Variants in PPM1H observed in about 807,000 individuals in gnomAD.
The protein encoded by PPM1H is protein phosphatase 1H.
In PPM1H, 27 loss-of-function variants were observed where a neutral mutation model predicts 54.9. That is an observed-to-expected ratio of 0.49 (90% CI 0.36 to 0.68). The LOEUF is 0.68. PPM1H is among the 30% of genes least tolerant of loss of function. The pLI is 0.00. For synonymous variants in PPM1H, 305 were observed against 270.8 expected (o/e 1.13, Z -1.24); for missense variants, 596 against 667.8 (o/e 0.89, Z 1.19).
chr12:62,876,599 C>A (rs1754374319), intron 1 of PPM1H, among the ~76,000 whole-genome samples: 1 of 152,138 alleles, frequency 6.6e-6, no homozygotes, highest in South Asian at 2.1e-4. Context: ...AAATTATATG[C>A]AGTCAGATGG....
intron 1 of PPM1H, among the ~76,000 whole-genome samples, chr12:62,876,102 T>A (rs1336647772): frequency 6.6e-6 from 1 of 152,200 alleles, no homozygotes; most frequent in Non-Finnish European, 1.5e-5. Context: ...AAGCCCAGGG[T>A]GGTAGTGAAC....
At chr12:62,728,658 G>C (rs1303584647) in intron 5 of PPM1H, among the ~76,000 whole-genome samples, 1 of 152,134 alleles carries the variant, frequency 6.6e-6, no homozygotes, top group Non-Finnish European at 1.5e-5. Flanking sequence ...TGCACCCAAG[G>C]CTGTCTCACT....
At chr12:62,720,099 G>A (rs2076255239) in intron 6 of PPM1H, 72 bp downstream of exon 6, 1 of 1,295,580 alleles carries the variant, frequency 7.7e-7, no homozygotes, top group Non-Finnish European at 1.1e-6. Flanking sequence ...CTGTGTAACT[G>A]GCTGTTTATG....
rs983823492 is a variant in PPM1H at position 62,645,702 on chromosome 12, C to A, written c.*2787G>T. 6.6e-6 allele frequency: 1 copy of A among 152,182 alleles called. No homozygotes were observed. Among genetic ancestry groups the A allele is most frequent in the African/African-American group, 2.4e-5 (1 of 41,426 alleles). 9.4% of individuals were successfully genotyped at this position (152,182 alleles called of 1,614,324 possible). A position where few individuals can be genotyped will look rare whatever the true frequency, so the allele number is the denominator to read the frequency against. On this transcript the variant is annotated 3_prime_UTR_variant, in exon 10 of 10. Transcript: ENST00000228705. ...GCAGGAAAGCCTTTCATTAAAGTAG[C>A]CACACACCCCTCGAGACAACCATAA... is the stretch of plus-strand genomic sequence containing the variant.
chr12:62,799,345 G>T (rs890226155), intron 3 of PPM1H, among the ~76,000 whole-genome samples: 1 of 152,194 alleles, frequency 6.6e-6, no homozygotes, highest in African/African-American at 2.4e-5. Context: ...TGAGAATGCA[G>T]CAGCTCCAGG....
chr12:62,743,873 T>TA (rs897621844), intron 4 of PPM1H, among the ~76,000 whole-genome samples: 2 of 152,190 alleles, frequency 1.3e-5, no homozygotes, highest in South Asian at 2.1e-4. Context: ...TGGGAAACAT[T>TA]AAAAAAACAA....
chr12:62,748,935 A>C (rs2076427027), intron 4 of PPM1H, among the ~76,000 whole-genome samples: 1 of 152,236 alleles, frequency 6.6e-6, no homozygotes, highest in African/African-American at 2.4e-5. Context: ...TTTCAAGGTT[A>C]GAGTGAAATG....
At chr12:62,931,895 T>A (rs1165280561) in intron 1 of PPM1H, among the ~76,000 whole-genome samples, 1 of 152,174 alleles carries the variant, frequency 6.6e-6, no homozygotes, top group Non-Finnish European at 1.5e-5. Flanking sequence ...ATACTGTTAA[T>A]GACATAGTGT....
At chr12:62,765,921 G>A (rs549797370) in intron 4 of PPM1H, among the ~76,000 whole-genome samples, 10 of 152,334 alleles carry the variant, frequency 6.6e-5, no homozygotes, top group African/African-American at 2.4e-4. Flanking sequence ...AGAAGTGACA[G>A]GTGAAGGTAG....
intron 2 of PPM1H, among the ~76,000 whole-genome samples, chr12:62,814,466 C>T (rs974427322): frequency 2.6e-5 from 4 of 152,004 alleles, no homozygotes; most frequent in Non-Finnish European, 1.5e-5. Context: ...GACCCTCCTG[C>T]CTTGGTCTCC....
chr12:62,688,901 C>T (rs1253715086), intron 8 of PPM1H, among the ~76,000 whole-genome samples: 2 of 152,148 alleles, frequency 1.3e-5, no homozygotes, highest in Non-Finnish European at 2.9e-5. Context: ...GAGGCTGAGA[C>T]AGGAGAATCA....
intron 8 of PPM1H, among the ~76,000 whole-genome samples, chr12:62,684,230 C>T (rs1304713477): frequency 1.3e-5 from 2 of 152,186 alleles, no homozygotes; most frequent in African/African-American, 2.4e-5. Flanking sequence ...ACTCAACCCA[C>T]ACCTCCAGAC....
intron 1 of PPM1H, among the ~76,000 whole-genome samples, chr12:62,889,238 G>T (rs1181639561): frequency 2.0e-5 from 3 of 152,102 alleles, no homozygotes; most frequent in Non-Finnish European, 4.4e-5. Context: ...CAAAATTTCA[G>T]CACATTATTT....
chr12:62,887,601 C>T lies in PPM1H; in HGVS notation c.245+46891G>A, dbSNP rs1022058155. On this transcript the variant is annotated intron_variant, in intron 1 of 9. Transcript: ENST00000228705. ...TATACTGAATCAGACAGCCAAGGACCCTGCTCTCATGGTGCTTATTTTATT... is the reference window on the plus strand; with the variant it reads ...TATACTGAATCAGACAGCCAAGGACTCTGCTCTCATGGTGCTTATTTTATT... Among the ~76,000 whole-genome samples the T allele has an allele frequency of 3.9e-4, 60 of 152,202 alleles. 1 individual carries two copies. The highest frequency in any genetic ancestry group is 1.4e-3 in the African/African-American group (57 of 41,512).
At chr12:62,892,852 G>A (rs974839496) in intron 1 of PPM1H, among the ~76,000 whole-genome samples, 3 of 144,890 alleles carry the variant, frequency 2.1e-5, no homozygotes, top group African/African-American at 8.7e-5. Flanking sequence ...TTTAATTTAT[G>A]TAAAAAAATC....
At chr12:62,816,021 G>A (rs549435057) in intron 2 of PPM1H, among the ~76,000 whole-genome samples, 4 of 152,250 alleles carry the variant, frequency 2.6e-5, no homozygotes, top group African/African-American at 7.2e-5. Context: ...CATATCAAAA[G>A]AGAAATCATA....
chr12:62,839,583 T>C (rs1022187984), intron 1 of PPM1H, among the ~76,000 whole-genome samples: 2 of 151,892 alleles, frequency 1.3e-5, no homozygotes, highest in Admixed American at 6.6e-5. Context: ...ACTTTTGTCA[T>C]TGAAGTGACC....
At chr12:62,649,701 G>A (rs2075805618) in intron 9 of PPM1H, among the ~76,000 whole-genome samples, 1 of 152,214 alleles carries the variant, frequency 6.6e-6, no homozygotes, top group Non-Finnish European at 1.5e-5. Context: ...GCCTCCCTGT[G>A]TAGGCCTGCC....
At chr12:62,922,281 T>C (rs1000083144) in intron 1 of PPM1H, among the ~76,000 whole-genome samples, 2 of 152,084 alleles carry the variant, frequency 1.3e-5, no homozygotes, top group African/African-American at 4.8e-5. Context: ...TCCTTTGAGT[T>C]AATAAAATGC....
Sources: allele counts gnomAD v4.1 joint callset (sites outside exome capture counted in the v4.1 genomes callset), GRCh38; gene constraint gnomAD v4.1.1; transcripts MANE v1.5; gene names NCBI Gene and HGNC (gene_info 2026-07-23, HGNC 2026-07-21).